The following HNF4G variants were observed in gnomAD, a reference collection of about 807,000 sequenced individuals.
HNF4G encodes the protein hepatocyte nuclear factor 4-gamma.
HNF4G carries 21 observed loss-of-function variants against 50.9 expected under a neutral mutation model. The observed-to-expected ratio is 0.41, with a 90% confidence interval of 0.29 to 0.59. HNF4G has a LOEUF of 0.59. Ranked by LOEUF, HNF4G falls within the 20% of genes least tolerant of loss-of-function variation. HNF4G has a pLI of 0.26. For synonymous variants in HNF4G, 198 were observed against 185.6 expected, an observed-to-expected ratio of 1.07 and a Z score of -0.54; for missense variants, 527 against 559.4, an observed-to-expected ratio of 0.94 and a Z score of 0.58.
chr8:75,411,333 C>T (rs1192849160), intron 1 of HNF4G, among the ~76,000 whole-genome samples: 1 of 152,168 alleles, frequency 6.6e-6, no homozygotes, highest in Non-Finnish European at 1.5e-5. Flanking sequence ...TTTTCTAGGC[C>T]ACAGAATATC....
chr8:75,556,460 C>T (rs143671415), intron 6 of HNF4G, among the ~76,000 whole-genome samples: 38 of 152,162 alleles, frequency 2.5e-4, no homozygotes, highest in African/African-American at 7.5e-4. Context: ...AACATGTTTA[C>T]GTCCTATGAT....
At chr8:75,549,016 C>T (rs1410523143) in intron 3 of HNF4G, among the ~76,000 whole-genome samples, 1 of 152,160 alleles carries the variant, frequency 6.6e-6, no homozygotes, top group African/African-American at 2.4e-5. Flanking sequence ...TGGTCAATTG[C>T]CTTCCTCCAT....
At chr8:75,449,638 C>T (rs1292918397) in intron 1 of HNF4G, among the ~76,000 whole-genome samples, 1 of 151,264 alleles carries the variant, frequency 6.6e-6, no homozygotes, top group Non-Finnish European at 1.5e-5. Flanking sequence ...TCCCTTGTAG[C>T]TGGGACTACA....
At chr8:75,511,036 T>A (rs962686161) in intron 2 of HNF4G, among the ~76,000 whole-genome samples, 8 of 152,122 alleles carry the variant, frequency 5.3e-5, no homozygotes, top group African/African-American at 1.9e-4. Context: ...ATATTCTTTA[T>A]GGTTTGTGCT....
chr8:75,514,185 A>G (rs1391104114), intron 2 of HNF4G, among the ~76,000 whole-genome samples: 5 of 151,938 alleles, frequency 3.3e-5, no homozygotes, highest in African/African-American at 7.2e-5. Context: ...GTATTTTACC[A>G]TTACATAGTG....
intron 2 of HNF4G, among the ~76,000 whole-genome samples, chr8:75,496,167 A>G (rs1812761141): frequency 1.3e-5 from 2 of 152,180 alleles, no homozygotes; most frequent in Non-Finnish European, 2.9e-5. Context: ...AAAATTTGAG[A>G]GATCCAGGAG....
At chr8:75,420,811 A>G (rs1810757631) in intron 1 of HNF4G, among the ~76,000 whole-genome samples, 1 of 152,232 alleles carries the variant, frequency 6.6e-6, no homozygotes, top group African/African-American at 2.4e-5. Context: ...GAGAAAGGAA[A>G]TTAGGATGCC....
intron 1 of HNF4G, among the ~76,000 whole-genome samples, chr8:75,475,548 T>C (rs1812222547): frequency 1.3e-5 from 2 of 152,278 alleles, no homozygotes; most frequent in East Asian, 1.9e-4. Context: ...TGAAACTGTC[T>C]CTAGGCAAGG....
chr8:75,430,503 G>GGAGAGAGAGA (rs919552304), intron 1 of HNF4G, among the ~76,000 whole-genome samples: 1 of 123,302 alleles, frequency 8.1e-6, no homozygotes, highest in South Asian at 2.5e-4. Flanking sequence ...AGAGAGAGAG[G>GGAGAGAGAGA]GAGAGAGAGA....
At chr8:75,557,369 C>T (rs1807159565) in intron 6 of HNF4G, among the ~76,000 whole-genome samples, 1 of 152,174 alleles carries the variant, frequency 6.6e-6, no homozygotes, top group South Asian at 2.1e-4. Flanking sequence ...CCTGTAATCC[C>T]AGCACTTTGG....
At position 75,488,929 on chromosome 8, in the gene HNF4G, T is replaced by C. The variant is rs1017761061; in HGVS notation, c.-143-1160T>C. Reference sequence around the variant, plus strand: ...GGATTTAATTCCAGGAACAAAATGCTCACAAAACTAATGGAAGACCTGGAG... The same window carrying C: ...GGATTTAATTCCAGGAACAAAATGCCCACAAAACTAATGGAAGACCTGGAG... On this transcript the variant is annotated intron_variant, in intron 1 of 10. Transcript: ENST00000354370. Among the ~76,000 whole-genome samples the C allele has an allele frequency of 3.9e-5, 6 of 152,056 alleles. 1 individual carries two copies. The highest frequency in any genetic ancestry group is 3.3e-4 in the Admixed American group (5 of 15,260).
At chr8:75,483,860 C>G (rs969536001) in intron 1 of HNF4G, among the ~76,000 whole-genome samples, 1 of 152,088 alleles carries the variant, frequency 6.6e-6, no homozygotes, top group African/African-American at 2.4e-5. Flanking sequence ...GATATATTAT[C>G]TCTGTATTGA....
chr8:75,480,735 T>TTTG (rs1812357756), intron 1 of HNF4G, among the ~76,000 whole-genome samples: 1 of 150,020 alleles, frequency 6.7e-6, no homozygotes, highest in East Asian at 1.9e-4. Flanking sequence ...TTTTTTTTTT[T>TTTG]TGAGACAGAA....
chr8:75,552,229 T>G (rs769987092), intron 4 of HNF4G, among the ~76,000 whole-genome samples: 2 of 152,146 alleles, frequency 1.3e-5, no homozygotes, highest in African/African-American at 2.4e-5. Flanking sequence ...GGTAATATGA[T>G]GAGGTTAACA....
chr8:75,484,552 G>T (rs1050443411), intron 1 of HNF4G, among the ~76,000 whole-genome samples: 2 of 152,200 alleles, frequency 1.3e-5, no homozygotes, highest in Non-Finnish European at 2.9e-5. Context: ...TTGCTGATCT[G>T]CAGGACCACT....
intron 1 of HNF4G, among the ~76,000 whole-genome samples, chr8:75,443,047 T>A (rs1811324252): frequency 1.3e-5 from 2 of 152,276 alleles, no homozygotes; most frequent in South Asian, 2.1e-4. Context: ...TAGGAGGTGA[T>A]TAAGTCCTGA....
chr8:75,444,058 C>T (rs1004175776), intron 1 of HNF4G, among the ~76,000 whole-genome samples: 9 of 152,070 alleles, frequency 5.9e-5, no homozygotes, highest in Non-Finnish European at 1.0e-4. Flanking sequence ...AAGGGAAGCC[C>T]ATCAGACTAA....
In HNF4G at chr8:75,547,590, C is replaced by A; in HGVS notation, c.291C>A (p.Phe97Leu). The change falls in exon 3 of 10, where the codon TTC (phenylalanine) becomes TTA (leucine). Residue 97 changes from phenylalanine to leucine, a missense_variant. Phe to Leu is a conservative substitution (Grantham distance 22, BLOSUM62 0). Around this residue, in one of 5 missense-constraint regions of HNF4G, gnomAD observed 128 missense variants for 135.3 expected, o/e 0.95. Transcript: ENST00000396423. Reference protein sequence around the residue: ...IRKSHVYSCRFSRQCVVDKDK... With the variant: ...IRKSHVYSCRLSRQCVVDKDK... Reference sequence around the variant, plus strand: ...CTGATATATCTTTATGTTATAGGTTCAGTCGGCAATGTGTTGTTGACAAGG... The same window carrying A: ...CTGATATATCTTTATGTTATAGGTTAAGTCGGCAATGTGTTGTTGACAAGG... The A allele has an allele frequency of 6.2e-7, 1 of 1,601,178 alleles. No individual in the cohort carries two copies. The highest frequency in any genetic ancestry group is 1.1e-5 in the South Asian group (1 of 90,760).
intron 2 of HNF4G, among the ~76,000 whole-genome samples, chr8:75,546,150 T>C (rs1806771325): frequency 6.6e-6 from 1 of 152,180 alleles, no homozygotes; most frequent in Non-Finnish European, 1.5e-5. Context: ...CATATCAATA[T>C]GTATGGATAA....
Sources: gnomAD v4.1 joint callset for allele counts (sites outside exome capture counted in the v4.1 genomes callset) on GRCh38, gnomAD v4.1.1 for gene constraint, gnomAD v4.1.1 regional missense constraint, MANE v1.5 for transcripts, NCBI Gene and HGNC (gene_info 2026-07-23, HGNC 2026-07-21) for gene names.